TENM4: variants seen among roughly 807,000 people sequenced by gnomAD.
TENM4 encodes teneurin transmembrane protein 4.
A neutral mutation model predicts 243.3 loss-of-function variants in TENM4; 82 were observed. The ratio of observed to expected loss-of-function variants is 0.34; its 90% CI spans 0.28 to 0.40. The LOEUF (loss-of-function observed/expected upper bound fraction) is 0.40, where lower values mean the gene tolerates loss of function less well. Among genes scored for constraint, TENM4 ranks in the 10% least tolerant of loss-of-function variants. The pLI, the probability that TENM4 is intolerant of heterozygous loss-of-function variation, is 1.00. For missense variants in TENM4, 3,138 were observed against 3,673.3 expected (o/e 0.85, Z 3.77); for synonymous variants, 1,412 against 1,456.3 (o/e 0.97, Z 0.69).
At chr11:79,414,781 C>A (rs1858777646) in intron 1 of TENM4, among the ~76,000 whole-genome samples, 1 of 152,182 alleles carries the variant, frequency 6.6e-6, no homozygotes, top group Non-Finnish European at 1.5e-5. Flanking sequence ...AGACATGGAA[C>A]CCAACCAAGC....
chr11:79,116,815 G>A (rs1325065668), intron 4 of TENM4, among the ~76,000 whole-genome samples: 6 of 152,154 alleles, frequency 3.9e-5, no homozygotes, highest in African/African-American at 1.4e-4. Context: ...TGAGTCATCT[G>A]CTCAGTCTTC....
rs1229992673 is a variant in TENM4 at position 79,193,724 on chromosome 11, A to G, written c.-163+22084T>C. Among the ~76,000 whole-genome samples, 4 of 152,274 alleles carry G rather than the reference A, an allele frequency of 2.6e-5. No individual in the cohort carries two copies. In the East Asian group the frequency reaches 7.8e-4, roughly 30 times the overall value. ...ACTCATTCTCACAGTAGGTGGGCAG[A>G]TGGGTTCTTCTCTCCCACCTTGCAG... On this transcript the variant is annotated intron_variant, in intron 3 of 33. Coordinates refer to ENST00000278550, the MANE Select transcript of TENM4 (RefSeq NM_001098816.3).
At chr11:78,857,110 A>T (rs1334579832) in intron 10 of TENM4, among the ~76,000 whole-genome samples, 1 of 152,220 alleles carries the variant, frequency 6.6e-6, no homozygotes. Flanking sequence ...CCTGCCAGAC[A>T]TCAGCCTCCT....
At chr11:79,422,640 A>T (rs1858959619) in intron 1 of TENM4, among the ~76,000 whole-genome samples, 1 of 152,212 alleles carries the variant, frequency 6.6e-6, no homozygotes, top group African/African-American at 2.4e-5. Context: ...AAAAATGTTA[A>T]ATAATTCAGA....
Position 78,990,097 on chromosome 11 carries a change from C to T in TENM4, c.493+74641G>A, listed in dbSNP as rs1400086327. On this transcript the variant is annotated intron_variant, in intron 6 of 33. Coordinates refer to ENST00000278550, the MANE Select transcript of TENM4 (RefSeq NM_001098816.3). Reference sequence around the variant, plus strand: ...AAAAAAAGATGATTTGGCATTTTGGCCTCCTTTATTGGGTCCCAGGGTCAC... The same window carrying T: ...AAAAAAAGATGATTTGGCATTTTGGTCTCCTTTATTGGGTCCCAGGGTCAC... Among the ~76,000 whole-genome samples the T allele has an allele frequency of 2.7e-5, 4 of 150,562 alleles. No homozygotes were observed. The East Asian group carries it at 5.8e-4, about 22-fold the overall frequency.
chr11:79,099,813 G>T (rs575464467), intron 4 of TENM4, among the ~76,000 whole-genome samples: 1 of 152,338 alleles, frequency 6.6e-6, no homozygotes, highest in South Asian at 2.1e-4. Flanking sequence ...TCACCACGTG[G>T]CTCTTGTTAA....
rs80124134 is a variant in TENM4 at position 78,980,475 on chromosome 11, A to C, written c.494-76952T>G. On this transcript the variant is annotated intron_variant, in intron 6 of 33. Transcript: ENST00000278550. ...AGGCTTAAAAGGAGCAAAGCTCTAT[A>C]AGCTCAAGCTGTGGAACTGCACATG... 3.6e-3 allele frequency among the ~76,000 whole-genome samples: 552 copies of C among 152,330 alleles called. 5 individuals carry two copies. Among genetic ancestry groups the C allele is most frequent in the African/African-American group, 0.012 (518 of 41,566 alleles).
At chr11:78,795,314 G>C (rs1857139658) in intron 15 of TENM4, among the ~76,000 whole-genome samples, 1 of 152,144 alleles carries the variant, frequency 6.6e-6, no homozygotes. Context: ...CAGGAAACAT[G>C]TCTTCTGACT....
chr11:79,272,495 G>T (rs1010778547), intron 2 of TENM4, among the ~76,000 whole-genome samples: 2 of 152,018 alleles, frequency 1.3e-5, no homozygotes, highest in African/African-American at 2.4e-5. Flanking sequence ...TTCCTCCCAA[G>T]TCTCTGAAAT....
chr11:79,099,656 T>C (rs1861172475), intron 4 of TENM4, among the ~76,000 whole-genome samples: 1 of 152,190 alleles, frequency 6.6e-6, no homozygotes. Flanking sequence ...GGACTACAGC[T>C]CTTCAATGCT....
intron 1 of TENM4, among the ~76,000 whole-genome samples, chr11:79,345,863 AGT>A (rs1361967977): frequency 9.9e-5 from 15 of 152,214 alleles, no homozygotes; most frequent in Non-Finnish European, 2.2e-4. Flanking sequence ...CCAAGTGAAC[AGT>A]TTTTGAGCTA....
intron 1 of TENM4, among the ~76,000 whole-genome samples, chr11:79,335,785 G>A (rs567836405): frequency 5.3e-5 from 8 of 152,304 alleles, no homozygotes; most frequent in South Asian, 2.1e-4. Flanking sequence ...CAACTCCCCC[G>A]ACTGAGTTAT....
chr11:79,098,423 G>A (rs929918044), intron 4 of TENM4, among the ~76,000 whole-genome samples: 1 of 152,186 alleles, frequency 6.6e-6, no homozygotes, highest in Non-Finnish European at 1.5e-5. Context: ...CTTTAAGCAA[G>A]GGACCTGCCT....
intron 3 of TENM4, among the ~76,000 whole-genome samples, chr11:79,178,761 T>C (rs542306253): frequency 2.6e-5 from 4 of 152,200 alleles, no homozygotes; most frequent in Middle Eastern, 3.4e-3. Flanking sequence ...ACCCACAGGG[T>C]CCAGCACAGT....
chr11:78,737,135 A>G (rs141325487), intron 20 of TENM4, among the ~76,000 whole-genome samples: 1 of 152,358 alleles, frequency 6.6e-6, no homozygotes, highest in African/African-American at 2.4e-5. Context: ...CTCCTTTTGG[A>G]TGAATGTTTC....
At chr11:78,956,239 G>A (rs1304539238) in intron 6 of TENM4, among the ~76,000 whole-genome samples, 1 of 152,144 alleles carries the variant, frequency 6.6e-6, no homozygotes, top group Non-Finnish European at 1.5e-5. Context: ...CTAGGAACTG[G>A]GAGTTGCACG....
At chr11:78,859,801 T>G (rs1858772283) in intron 10 of TENM4, among the ~76,000 whole-genome samples, 1 of 152,226 alleles carries the variant, frequency 6.6e-6, no homozygotes, top group African/African-American at 2.4e-5. Context: ...TTTGCATGGT[T>G]CAAACTAATG....
chr11:79,080,961 A>C (rs927948043), intron 4 of TENM4, among the ~76,000 whole-genome samples: 2 of 152,178 alleles, frequency 1.3e-5, no homozygotes, highest in African/African-American at 4.8e-5. Context: ...CACGTCCCCT[A>C]CTGCGTCCAA....
intron 9 of TENM4, among the ~76,000 whole-genome samples, chr11:78,867,286 T>C (rs887206997): frequency 1.3e-5 from 2 of 152,162 alleles, no homozygotes; most frequent in Non-Finnish European, 2.9e-5. Flanking sequence ...GTAACCATCC[T>C]TCTACTCTCT....
Sources: allele counts gnomAD v4.1 joint callset (sites outside exome capture counted in the v4.1 genomes callset), GRCh38; gene constraint gnomAD v4.1.1; transcripts MANE v1.5; gene names NCBI Gene and HGNC (gene_info 2026-07-23, HGNC 2026-07-21).